The following RASGEF1B variants were observed in gnomAD, a reference collection of about 807,000 sequenced individuals.
RASGEF1B encodes RasGEF domain family member 1B, also known as ras-GEF domain-containing family member 1B.
A neutral mutation model predicts 65.7 loss-of-function variants in RASGEF1B; 30 were observed. That is an observed-to-expected ratio of 0.46 (90% CI 0.34 to 0.62). The LOEUF is 0.62. RASGEF1B is among the 20% of genes least tolerant of loss of function. The pLI is 0.01. For synonymous variants in RASGEF1B, 175 were observed against 194.8 expected (o/e 0.90, Z 0.85); for missense variants, 495 against 580.1 (o/e 0.85, Z 1.51).
chr4:81,434,026 G>T, intron 11 of RASGEF1B, 63 bp from the exon 12 acceptor site: 1 of 1,377,644 alleles, frequency 7.3e-7, no homozygotes, highest in Non-Finnish European at 1.0e-6. Flanking sequence ...GAGTTTGGGA[G>T]AGGCAATACC....
intron 1 of RASGEF1B, among the ~76,000 whole-genome samples, chr4:81,466,757 T>TAA (rs1560713506): frequency 3.7e-3 from 14 of 3,830 alleles, no homozygotes; most frequent in African/African-American, 8.3e-3. Flanking sequence ...AGCCTCCATG[T>TAA]CAAAAAAAAA....
chr4:81,441,165 G>A lies in RASGEF1B; in HGVS notation c.1009-236C>T, dbSNP rs926008592. ...GCTTCAATAATGTTAAACCTAAACCGCATTCTTTCTAGGCTAATTGTTGAG... is the reference window on the plus strand; with the variant it reads ...GCTTCAATAATGTTAAACCTAAACCACATTCTTTCTAGGCTAATTGTTGAG... On this transcript the variant is annotated intron_variant, in intron 9 of 13. Transcript: ENST00000264400. 3.9e-5 allele frequency among the ~76,000 whole-genome samples: 6 copies of A among 152,076 alleles called. 1 individual carries two copies. The highest frequency in any genetic ancestry group is 2.0e-4 in the Admixed American group (3 of 15,264).
In RASGEF1B at chr4:81,445,486, C is replaced by T. The variant is rs779738699; in HGVS notation, c.928+40G>A. 1.6e-5 allele frequency: 21 copies of T among 1,337,934 alleles called. No homozygotes were observed. In the South Asian group the frequency reaches 2.1e-4, roughly 14 times the overall value. 82.9% of individuals were successfully genotyped at this position (1,337,934 alleles called of 1,614,324 possible). A position where few individuals can be genotyped will look rare whatever the true frequency, so the allele number is the denominator to read the frequency against. On this transcript the variant is annotated intron_variant, in intron 8 of 13. Coordinates refer to ENST00000264400, the MANE Select transcript of RASGEF1B (RefSeq NM_152545.3). ...TTTCTGTGGGTCATTTTACAGGATT[C>T]GTAAAGATAAACGACATGTATCCTC...
At chr4:81,435,718 G>A (rs982313512) in intron 10 of RASGEF1B, among the ~76,000 whole-genome samples, 23 of 143,422 alleles carry the variant, frequency 1.6e-4, no homozygotes, top group Admixed American at 5.6e-4. Flanking sequence ...CTTGTGATCC[G>A]CCCGCCTTGG....
chr4:81,438,316 A>G (rs1254263661), intron 10 of RASGEF1B, among the ~76,000 whole-genome samples: 1 of 152,210 alleles, frequency 6.6e-6, no homozygotes, highest in African/African-American at 2.4e-5. Context: ...TGACCACACA[A>G]ACTTGAGATT....
intron 1 of RASGEF1B, among the ~76,000 whole-genome samples, chr4:81,465,945 T>A (rs1722789261): frequency 6.6e-6 from 1 of 152,222 alleles, no homozygotes. Flanking sequence ...TTTTTTTCAA[T>A]CCCTATTTCA....
intron 2 of RASGEF1B, among the ~76,000 whole-genome samples, 187 bp from the exon 3 acceptor site, chr4:81,457,808 C>T (rs1722502114): frequency 1.3e-5 from 2 of 152,016 alleles, no homozygotes; most frequent in Non-Finnish European, 2.9e-5. Context: ...GTATGTTTTC[C>T]CTGAAACCAT....
At chr4:81,464,507 G>C (rs1191002285) in intron 1 of RASGEF1B, among the ~76,000 whole-genome samples, 1 of 152,172 alleles carries the variant, frequency 6.6e-6, no homozygotes, top group Non-Finnish European at 1.5e-5. Flanking sequence ...ACCTTACGAA[G>C]TTGCATTTGT....
At chr4:81,462,429 T>TA (rs1311804905) in intron 1 of RASGEF1B, among the ~76,000 whole-genome samples, 1 of 152,198 alleles carries the variant, frequency 6.6e-6, no homozygotes, top group African/African-American at 2.4e-5. Flanking sequence ...TTATTGTACT[T>TA]AAAAATCAAC....
chr4:81,445,707 G>T, intron 7 of RASGEF1B, 36 bp downstream of exon 7: 1 of 1,590,988 alleles, frequency 6.3e-7, no homozygotes, highest in Non-Finnish European at 8.6e-7. Flanking sequence ...AAAAAATAAT[G>T]TTGAGAACTA....
At position 81,445,634 on chromosome 4, in the gene RASGEF1B, C is replaced by T. The variant is rs28560455; in HGVS notation, c.826-6G>A. 0.14 allele frequency: 226,997 copies of T among 1,608,228 alleles called. 22,120 individuals carry two copies. The highest frequency in any genetic ancestry group is 0.5 in the African/African-American group (37,665 of 74,832). ...CGGTGTTTTTTCTTAACAGGCTACA[C>T]AGTAAAAGACAATAGAGGGCAGTTA... On this transcript the variant is annotated splice_region_variant and splice_polypyrimidine_tract_variant and intron_variant, in intron 7 of 13. Transcript: ENST00000264400.
intron 2 of RASGEF1B, among the ~76,000 whole-genome samples, chr4:81,458,808 T>C (rs1722539904): frequency 6.6e-6 from 1 of 152,224 alleles, no homozygotes; most frequent in Non-Finnish European, 1.5e-5. Flanking sequence ...ACAAATTCCC[T>C]AGATTAGAAA....
chr4:81,466,172 C>T (rs1323384472), intron 1 of RASGEF1B, among the ~76,000 whole-genome samples: 7 of 152,054 alleles, frequency 4.6e-5, no homozygotes, highest in African/African-American at 1.2e-4. Context: ...TACTGGTTCC[C>T]GAATTCCCAT....
At chr4:81,465,035 G>C (rs1009279518) in intron 1 of RASGEF1B, among the ~76,000 whole-genome samples, 1 of 149,638 alleles carries the variant, frequency 6.7e-6, no homozygotes, top group Non-Finnish European at 1.5e-5. Context: ...TGTGAGCTAA[G>C]ATCGTGCCAT....
At position 81,459,318 on chromosome 4, in the gene RASGEF1B, A is replaced by T; in HGVS notation, c.177+14T>A. On this transcript the variant is annotated intron_variant, in intron 2 of 13. Transcript: ENST00000264400. ...ATTGCCAAGGATGTGTTTCAGAGAA[A>T]CATGAATACCTACATCTGGATAGTA... 1 of 1,555,222 alleles carries T rather than the reference A, an allele frequency of 6.4e-7. No homozygotes were observed.
chr4:81,435,231 G>A (rs1721570307), intron 10 of RASGEF1B, among the ~76,000 whole-genome samples: 1 of 151,574 alleles, frequency 6.6e-6, no homozygotes, highest in African/African-American at 2.4e-5. Context: ...CTAACAAGGT[G>A]AAACCCCGTC....
chr4:81,445,858 A>G lies in RASGEF1B; in HGVS notation c.730-20T>C, dbSNP rs775014400. 1 of 1,581,700 alleles carries G rather than the reference A, an allele frequency of 6.3e-7. No homozygotes were observed. Reference sequence around the variant, plus strand: ...GCAACTCTTTAGAGAAAACAAAGTAAACAGATGAGTTAGAGGAAAAAAACA... The same window carrying G: ...GCAACTCTTTAGAGAAAACAAAGTAGACAGATGAGTTAGAGGAAAAAAACA... On this transcript the variant is annotated intron_variant, in intron 6 of 13. Transcript: ENST00000264400.
chr4:81,429,680 C>T (rs1009308310), intron 13 of RASGEF1B, among the ~76,000 whole-genome samples: 1 of 152,202 alleles, frequency 6.6e-6, no homozygotes, highest in Admixed American at 6.5e-5. Flanking sequence ...ACGCAAGTGG[C>T]GAGTCGTCGA....
chr4:81,466,770 A>AAAAAG (rs748492254), intron 1 of RASGEF1B, among the ~76,000 whole-genome samples: 6 of 36,096 alleles, frequency 1.7e-4, no homozygotes, highest in South Asian at 1.1e-3. Context: ...AAAAAAAAAA[A>AAAAAG]AAAGAAAGAA....
Sources: gnomAD v4.1 joint callset for allele counts (sites outside exome capture counted in the v4.1 genomes callset) on GRCh38, gnomAD v4.1.1 for gene constraint, MANE v1.5 for transcripts, NCBI Gene and HGNC (gene_info 2026-07-23, HGNC 2026-07-21) for gene names.